The following FER1L6 variants were observed in gnomAD, a reference collection of about 807,000 sequenced individuals.
The protein encoded by FER1L6 is fer-1-like protein 6.
Under a neutral mutation model 219.2 loss-of-function variants are expected in FER1L6, and 177 were observed. The ratio of observed to expected loss-of-function variants is 0.81; its 90% CI spans 0.71 to 0.91. The LOEUF (loss-of-function observed/expected upper bound fraction) is 0.91. Ranked by LOEUF, FER1L6 falls within the 40% of genes least tolerant of loss-of-function variation. The probability of loss-of-function intolerance (pLI) is 0.00; values close to 1 mark genes in which losing one functional copy is unlikely to be tolerated. For synonymous variants in FER1L6, 768 were observed against 824.3 expected, an observed-to-expected ratio of 0.93 and a Z score of 1.17; for missense variants, 2,153 against 2,259.9, an observed-to-expected ratio of 0.95 and a Z score of 0.96.
chr8:124,081,670 A>G (rs1821561483), intron 32 of FER1L6, among the ~76,000 whole-genome samples: 1 of 151,686 alleles, frequency 6.6e-6, no homozygotes, highest in South Asian at 2.1e-4. Context: ...TGTAGAGACA[A>G]CGCTTTGGTC....
At chr8:124,108,095 T>G (rs1822852456) in intron 39 of FER1L6, among the ~76,000 whole-genome samples, 1 of 152,204 alleles carries the variant, frequency 6.6e-6, no homozygotes, top group South Asian at 2.1e-4. Flanking sequence ...CACAGTGGCA[T>G]GCACCTGTAG....
intron 34 of FER1L6, among the ~76,000 whole-genome samples, chr8:124,091,877 G>C (rs1822049698): frequency 6.6e-6 from 1 of 151,206 alleles, no homozygotes; most frequent in Non-Finnish European, 1.5e-5. Flanking sequence ...TGAGGCACGA[G>C]AATCACTTGA....
intron 33 of FER1L6, among the ~76,000 whole-genome samples, chr8:124,083,265 G>A (rs890883670): frequency 1.3e-5 from 2 of 152,042 alleles, no homozygotes; most frequent in Middle Eastern, 6.8e-3. Flanking sequence ...CTATATTTTT[G>A]TACTCATTAA....
At chr8:123,959,966 A>G (rs954484151) in intron 2 of FER1L6, among the ~76,000 whole-genome samples, 4 of 152,176 alleles carry the variant, frequency 2.6e-5, no homozygotes, top group African/African-American at 9.7e-5. Flanking sequence ...ACGGGCAAGG[A>G]AAAAAATGCC....
rs1178981119 is a variant in FER1L6 at position 123,861,993 on chromosome 8, T to A, written c.-8+9808T>A. ...ATTTCCTTCTCCTGCCTGATTGCCC[T>A]GGCCAGAACTTCCAACACTATGTTG... On this transcript the variant is annotated intron_variant, in intron 1 of 40. Coordinates refer to ENST00000522917, the MANE Select transcript of FER1L6 (RefSeq NM_001039112.2). 6.4e-5 allele frequency among the ~76,000 whole-genome samples: 5 copies of A among 78,244 alleles called. No homozygotes were observed. In the East Asian group the frequency reaches 1.6e-3, roughly 25 times the overall value. 51.3% of individuals were successfully genotyped at this position (78,244 alleles called of 152,430 possible). A position where few individuals can be genotyped will look rare whatever the true frequency, so the allele number is the denominator to read the frequency against.
At chr8:123,891,319 T>A (rs759915481) in intron 1 of FER1L6, among the ~76,000 whole-genome samples, 6 of 152,228 alleles carry the variant, frequency 3.9e-5, no homozygotes, top group Admixed American at 2.0e-4. Flanking sequence ...GAAATTACTG[T>A]GTGCTTGTTC....
intron 1 of FER1L6, among the ~76,000 whole-genome samples, chr8:123,953,367 T>G (rs1270097442): frequency 6.6e-6 from 1 of 152,178 alleles, no homozygotes; most frequent in Non-Finnish European, 1.5e-5. Context: ...GACCACTGCT[T>G]CTCAACACTG....
chr8:123,945,268 G>A (rs1057302280), intron 1 of FER1L6, among the ~76,000 whole-genome samples: 1 of 152,188 alleles, frequency 6.6e-6, no homozygotes, highest in Non-Finnish European at 1.5e-5. Context: ...GACTCCTGGA[G>A]AAGTTGACAG....
chr8:124,029,532 G>GT (rs1195485652), intron 18 of FER1L6, among the ~76,000 whole-genome samples: 2 of 152,112 alleles, frequency 1.3e-5, no homozygotes, highest in Non-Finnish European at 2.9e-5. Flanking sequence ...GTGATGTTGA[G>GT]TTTTTTCATG....
chr8:123,929,865 A>G (rs1813702836), intron 1 of FER1L6, among the ~76,000 whole-genome samples: 1 of 152,062 alleles, frequency 6.6e-6, no homozygotes, highest in African/African-American at 2.4e-5. Context: ...TTCCCCCCTT[A>G]GTGATACCAC....
intron 1 of FER1L6, among the ~76,000 whole-genome samples, chr8:123,951,668 A>C (rs931508116): frequency 6.6e-6 from 1 of 152,256 alleles, no homozygotes; most frequent in African/African-American, 2.4e-5. Context: ...ACCTCATTAC[A>C]TACAAATTTA....
chr8:124,025,711 A>C (rs975319939), intron 18 of FER1L6, among the ~76,000 whole-genome samples: 2 of 152,174 alleles, frequency 1.3e-5, no homozygotes, highest in Admixed American at 1.3e-4. Flanking sequence ...ATTCTGTAAA[A>C]AATGACGTTG....
chr8:123,990,023 C>A (rs1816773490), intron 12 of FER1L6, among the ~76,000 whole-genome samples: 1 of 152,128 alleles, frequency 6.6e-6, no homozygotes, highest in Non-Finnish European at 1.5e-5. Context: ...AATCCCAGCA[C>A]TTTGTGAGGC....
chr8:123,853,759 A>G lies in FER1L6; in HGVS notation c.-8+1574A>G, dbSNP rs1387398333. ...GGAAAAGGCCAGAAAGCTGCAGACA[A>G]CCCAACAGTGTCAAGCACAGAGGCT... On this transcript the variant is annotated intron_variant, in intron 1 of 40. Coordinates refer to ENST00000522917, the MANE Select transcript of FER1L6 (RefSeq NM_001039112.2). This position sits in a 1 kb window ranked among gnomAD's most constrained non-coding sequence, Gnocchi z 6.6. Among the ~76,000 whole-genome samples the G allele has an allele frequency of 2.0e-5, 3 of 152,224 alleles. No homozygotes were observed. The highest frequency in any genetic ancestry group is 4.8e-5 in the African/African-American group (2 of 41,458).
intron 20 of FER1L6, among the ~76,000 whole-genome samples, chr8:124,043,888 C>G (rs1339912639): frequency 1.3e-5 from 2 of 152,200 alleles, no homozygotes; most frequent in African/African-American, 4.8e-5. Context: ...GGAGCAACTC[C>G]AAGGACAGGT....
At position 123,856,316 on chromosome 8, in the gene FER1L6, G is replaced by GTATATATATATA. The variant is rs1554608009; in HGVS notation, c.-8+4153_-8+4164dup. On this transcript the variant is annotated intron_variant, in intron 1 of 40. Transcript: ENST00000522917. ...TGTATATATATATATATATGTATGTGTATATATATATATATATATATATAT... is the reference window on the plus strand; with the variant it reads ...TGTATATATATATATATATGTATGTGTATATATATATATATATATATATATATATATATATAT... 4.0e-3 allele frequency among the ~76,000 whole-genome samples: 180 copies of GTATATATATATA among 45,064 alleles called. 16 individuals are homozygous for GTATATATATATA. Among genetic ancestry groups the GTATATATATATA allele is most frequent in the African/African-American group, 7.0e-3 (81 of 11,500 alleles). 29.6% of individuals were successfully genotyped at this position (45,064 alleles called of 152,430 possible). A position where few individuals can be genotyped will look rare whatever the true frequency, so the allele number is the denominator to read the frequency against.
intron 22 of FER1L6, among the ~76,000 whole-genome samples, chr8:124,055,845 TA>T (rs1820269933): frequency 6.6e-6 from 1 of 152,182 alleles, no homozygotes; most frequent in Admixed American, 6.5e-5. Flanking sequence ...CTGGAGGCTC[TA>T]GGGGGAAATC....
chr8:124,100,436 G>A (rs1284124852), intron 37 of FER1L6, among the ~76,000 whole-genome samples: 1 of 152,162 alleles, frequency 6.6e-6, no homozygotes, highest in Non-Finnish European at 1.5e-5. Flanking sequence ...TGCTTCCAGT[G>A]TACAGATGAA....
At position 123,943,369 on chromosome 8, in the gene FER1L6, C is replaced by T. The variant is rs12334966; in HGVS notation, c.-7-12623C>T. ...CCTGACTTGAAATAAAACATATTGG[C>T]GGCCCCTCCTCTCAAGATCTGCTCT... On this transcript the variant is annotated intron_variant, in intron 1 of 40. Coordinates refer to ENST00000522917, the MANE Select transcript of FER1L6 (RefSeq NM_001039112.2). Among the ~76,000 whole-genome samples the T allele has an allele frequency of 6.9e-3, 1,050 of 152,204 alleles. 14 individuals are homozygous for T. Among genetic ancestry groups the T allele is most frequent in the African/African-American group, 0.023 (974 of 41,520 alleles).
Sources: allele counts gnomAD v4.1 joint callset (sites outside exome capture counted in the v4.1 genomes callset), GRCh38; gene constraint gnomAD v4.1.1; non-coding constraint Gnocchi (gnomAD v3.1); transcripts MANE v1.5; gene names NCBI Gene and HGNC (gene_info 2026-07-23, HGNC 2026-07-21).